ZNF586: variants seen among roughly 807,000 people sequenced by gnomAD.
ZNF586 encodes zinc finger protein 586.
In ZNF586, 7 loss-of-function variants were observed where a neutral mutation model predicts 6.7. The observed-to-expected ratio is 1.04, with a 90% CI of 0.59 to 1.95. The LOEUF is 1.95. ZNF586 is among the 30% of genes most tolerant of loss of function. The pLI is 0.00. For synonymous variants in ZNF586, 166 were observed against 168.7 expected (o/e 0.98, Z 0.12); for missense variants, 442 against 489.6 (o/e 0.90, Z 0.92).
intron 2 of ZNF586, among the ~76,000 whole-genome samples, chr19:57,777,813 T>TAGTGCGATCTCGGCTCACTGCAAC (rs1415033564): frequency 4.5e-5 from 6 of 132,346 alleles, no homozygotes; most frequent in Non-Finnish European, 7.8e-5. Flanking sequence ...TGGAGTGCAA[T>TAGTGCGATCTCGGCTCACTGCAAC]AGTGCGATCT....
chr19:57,770,921 G>T (rs1174912718), intron 1 of ZNF586, among the ~76,000 whole-genome samples: 1 of 152,048 alleles, frequency 6.6e-6, no homozygotes, highest in Non-Finnish European at 1.5e-5. Context: ...CGCGATCACG[G>T]CGCAGCACGG....
intron 1 of ZNF586, among the ~76,000 whole-genome samples, chr19:57,773,505 G>A (rs987990267): frequency 6.7e-6 from 1 of 149,786 alleles, no homozygotes. Context: ...CTGGGTTCAA[G>A]TGATTCTTCT....
intron 1 of ZNF586, among the ~76,000 whole-genome samples, chr19:57,770,157 C>CTTTTTT (rs56139513): frequency 1.6e-5 from 2 of 128,228 alleles, no homozygotes; most frequent in Non-Finnish European, 3.2e-5. Context: ...GGAGTTATTT[C>CTTTTTT]TTTTTTTTTT....
chr19:57,772,845 T>C (rs2360117), intron 1 of ZNF586, among the ~76,000 whole-genome samples: 75,931 of 151,852 alleles, frequency 0.5, 20,779 homozygotes, highest in African/African-American at 0.72. Context: ...TCAGCTTAAC[T>C]TTTGGCCCCC....
intron 2 of ZNF586, among the ~76,000 whole-genome samples, chr19:57,777,772 T>G (rs1987269656): frequency 8.0e-6 from 1 of 124,706 alleles, no homozygotes; most frequent in African/African-American, 2.8e-5. Context: ...TTTTTTTTTT[T>G]GAGATGGAGT....
At chr19:57,776,885 G>A (rs904020001) in intron 2 of ZNF586, among the ~76,000 whole-genome samples, 6 of 152,114 alleles carry the variant, frequency 3.9e-5, no homozygotes, top group African/African-American at 1.4e-4. Flanking sequence ...AGGAGTCAGG[G>A]TCAGGAGTCT....
Position 57,769,737 on chromosome 19 carries a change from A to C in ZNF586, c.-106A>C. On this transcript the variant is annotated 5_prime_UTR_variant, in exon 1 of 3. Coordinates refer to ENST00000396154, the MANE Select transcript of ZNF586 (RefSeq NM_017652.4). ...GAGCTCGGGAGGAGTGGTTGTGGCC[A>C]TTGCACACAGGCGGATCTGAGGTTC... The C allele has an allele frequency of 1.6e-6, 2 of 1,242,626 alleles. No homozygotes were observed. Among genetic ancestry groups the C allele is most frequent in the Non-Finnish European group, 2.3e-6 (2 of 876,012 alleles). The allele number at this position is 1,242,626 out of a possible 1,614,324, so 77.0% of individuals were successfully genotyped here.
At chr19:57,772,221 T>G (rs1987113644) in intron 1 of ZNF586, among the ~76,000 whole-genome samples, 1 of 152,210 alleles carries the variant, frequency 6.6e-6, no homozygotes, top group Non-Finnish European at 1.5e-5. Flanking sequence ...GGGAGCTGCA[T>G]CAACTGAGAT....
At chr19:57,769,958 G>C in intron 1 of ZNF586, 80 bp downstream of exon 1, 1 of 1,118,416 alleles carries the variant, frequency 8.9e-7, no homozygotes, top group South Asian at 1.6e-5. Flanking sequence ...CCGCCTCCTC[G>C]CGTCCCTGCA....
intron 1 of ZNF586, 25 bp downstream of exon 1, chr19:57,769,903 T>TGGGCCCCCCC: frequency 6.8e-7 from 1 of 1,475,844 alleles, no homozygotes; most frequent in Non-Finnish European, 9.1e-7. Context: ...CTCCGGGCCT[T>TGGGCCCCCCC]ACCCACCCTA....
At chr19:57,775,141 C>T (rs1987200970) in intron 1 of ZNF586, among the ~76,000 whole-genome samples, 2 of 152,006 alleles carry the variant, frequency 1.3e-5, no homozygotes, top group African/African-American at 2.4e-5. Context: ...GGACTACAGG[C>T]ACCCGCCACC....
At chr19:57,778,045 C>T (rs897058995) in intron 2 of ZNF586, among the ~76,000 whole-genome samples, 4 of 150,444 alleles carry the variant, frequency 2.7e-5, no homozygotes, top group Non-Finnish European at 4.4e-5. Flanking sequence ...TGTGAGCCAC[C>T]GCGCCCAGCC....
Position 57,778,913 on chromosome 19 carries a change from A to T in ZNF586, c.326A>T (p.Asp109Val), listed in dbSNP as rs1282862423. Residue 109 changes from aspartate (D) to valine (V), a missense_variant, in exon 3 of 3, where the codon GAT becomes GTT. Transcript: ENST00000396154. The stretch of plus-strand genomic sequence containing the variant: ...TCCTGCCTCACTGAACCCAGAAGAG[A>T]TCACAAACACAGGAATGTTCGCACT... The part of the protein sequence containing the change: ...NKSCLTEPRR[D>V]HKHRNVRTGE... The T allele has an allele frequency of 6.2e-7, 1 of 1,614,108 alleles. No individual in the cohort carries two copies. The highest frequency in any genetic ancestry group is 1.7e-5 in the Admixed American group (1 of 60,008).
chr19:57,775,185 C>CG (rs1486112497), intron 1 of ZNF586, among the ~76,000 whole-genome samples: 2 of 152,006 alleles, frequency 1.3e-5, no homozygotes. Context: ...TTAGTAGAGA[C>CG]GGGGTTTCAC....
At chr19:57,775,745 G>T (rs1020007131) in intron 1 of ZNF586, among the ~76,000 whole-genome samples, 16 of 151,968 alleles carry the variant, frequency 1.1e-4, no homozygotes, top group African/African-American at 3.9e-4. Context: ...TGGGACTACA[G>T]GTGCATGCCA....
intron 1 of ZNF586, among the ~76,000 whole-genome samples, chr19:57,776,311 T>G (rs963034155): frequency 1.5e-4 from 23 of 152,262 alleles, no homozygotes; most frequent in Middle Eastern, 3.4e-3. Flanking sequence ...AACCCTTTAT[T>G]TCAGGACCAC....
chr19:57,778,004 C>T (rs1987278047), intron 2 of ZNF586, among the ~76,000 whole-genome samples: 1 of 151,696 alleles, frequency 6.6e-6, no homozygotes, highest in Non-Finnish European at 1.5e-5. Flanking sequence ...GATCCACGCC[C>T]CTCAACTTCC....
Position 57,779,022 on chromosome 19 carries a change from T to G in ZNF586, c.435T>G (p.Thr145=). ...PTLHIHERFH[T]GQKTYECSEC... is the part of the protein sequence containing the mutation. ...TCCATATTCATGAGAGATTTCATAC[T>G]GGGCAAAAGACCTATGAGTGCAGTG... Residue 145 remains threonine, a synonymous_variant, in exon 3 of 3, where the codon ACT becomes ACG. Transcript: ENST00000396154. 1 of 1,614,120 alleles carries G rather than the reference T, an allele frequency of 6.2e-7. No homozygotes were observed. Among genetic ancestry groups the G allele is most frequent in the Non-Finnish European group, 8.5e-7 (1 of 1,180,030 alleles).
intron 1 of ZNF586, chr19:57,774,680 GGC>G: frequency 1.2e-6 from 1 of 862,102 alleles, no homozygotes; most frequent in Non-Finnish European, 1.4e-6. Context: ...ATGCATGGAG[GGC>G]GTCAGAATGA....
Sources: allele counts gnomAD v4.1 joint callset (sites outside exome capture counted in the v4.1 genomes callset), GRCh38; gene constraint gnomAD v4.1.1; transcripts MANE v1.5; gene names NCBI Gene and HGNC (gene_info 2026-07-23, HGNC 2026-07-21).